Variants in CREB5 observed in about 807,000 individuals in gnomAD.
CREB5 encodes the protein cAMP responsive element binding protein 5.
Under a neutral mutation model 57.1 loss-of-function variants are expected in CREB5, and 19 were observed. That is an observed-to-expected ratio of 0.33 (90% CI 0.23 to 0.49). The LOEUF is 0.49. CREB5 is among the 20% of genes least tolerant of loss of function. CREB5 has a pLI of 0.99. For synonymous variants in CREB5, 238 were observed against 238.3 expected (o/e 1.00, Z 0.01); for missense variants, 579 against 671.6 (o/e 0.86, Z 1.52).
chr7:28,301,063 T>A (rs1785090683), intron 1 of CREB5, among the ~76,000 whole-genome samples: 1 of 152,238 alleles, frequency 6.6e-6, no homozygotes, highest in African/African-American at 2.4e-5. Flanking sequence ...GATCTACATT[T>A]TGATCTTTTT....
intron 5 of CREB5, among the ~76,000 whole-genome samples, chr7:28,620,186 C>A (rs1265105878): frequency 1.3e-5 from 2 of 152,174 alleles, no homozygotes; most frequent in Non-Finnish European, 2.9e-5. Flanking sequence ...TCTAGAAAAA[C>A]TCAGAACAAA....
At chr7:28,609,654 A>T (rs1192850343) in intron 5 of CREB5, among the ~76,000 whole-genome samples, 1 of 152,212 alleles carries the variant, frequency 6.6e-6, no homozygotes, top group African/African-American at 2.4e-5. Context: ...ATCTGACAGG[A>T]CCCAAGTCTA....
At chr7:28,439,309 C>T (rs1789089653) in intron 1 of CREB5, among the ~76,000 whole-genome samples, 1 of 152,260 alleles carries the variant, frequency 6.6e-6, no homozygotes, top group South Asian at 2.1e-4. Flanking sequence ...CTATCATCTG[C>T]ACCTGATTCC....
At chr7:28,744,808 T>C (rs1054700459) in intron 7 of CREB5, among the ~76,000 whole-genome samples, 2 of 152,228 alleles carry the variant, frequency 1.3e-5, no homozygotes, top group African/African-American at 4.8e-5. Flanking sequence ...ATTAAAATCT[T>C]AAACAAAATC....
At position 28,612,543 on chromosome 7, in the gene CREB5, G is replaced by GGTGTGTGTGT. The variant is rs59074697; in HGVS notation, c.464+42043_464+42052dup. ...TGTATTCCTGGCCATTTAGAGAAGGGGTGTGTGTGTGTGTGTGTGTGTGTG... is the reference window on the plus strand; with the variant it reads ...TGTATTCCTGGCCATTTAGAGAAGGGGTGTGTGTGTGTGTGTGTGTGTGTGTGTGTGTGTG... On this transcript the variant is annotated intron_variant, in intron 5 of 10. Transcript: ENST00000357727. 2.1e-3 allele frequency among the ~76,000 whole-genome samples: 295 copies of GGTGTGTGTGT among 137,372 alleles called. 4 individuals are homozygous for GGTGTGTGTGT. Among genetic ancestry groups the GGTGTGTGTGT allele is most frequent in the Middle Eastern group, 0.015 (4 of 262 alleles). The allele number at this position is 137,372 out of a possible 152,430, so 90.1% of individuals were successfully genotyped here.
At chr7:28,392,096 G>A (rs1030858618) in intron 1 of CREB5, among the ~76,000 whole-genome samples, 18 of 152,142 alleles carry the variant, frequency 1.2e-4, no homozygotes, top group Non-Finnish European at 1.9e-4. Context: ...CACAAAGAGG[G>A]GAACAACACA....
chr7:28,614,820 T>C (rs1025891203), intron 5 of CREB5, among the ~76,000 whole-genome samples: 9 of 152,102 alleles, frequency 5.9e-5, no homozygotes, highest in Admixed American at 3.3e-4. Context: ...TACAATCACG[T>C]TTCATCCATG....
chr7:28,545,885 T>G (rs1465660683), intron 4 of CREB5, among the ~76,000 whole-genome samples: 1 of 152,236 alleles, frequency 6.6e-6, no homozygotes, highest in Non-Finnish European at 1.5e-5. Flanking sequence ...GCAACATCAT[T>G]TTAAAGATTT....
chr7:28,740,959 CAA>C, intron 7 of CREB5, among the ~76,000 whole-genome samples: 1 of 150,566 alleles, frequency 6.6e-6, no homozygotes, highest in Admixed American at 6.6e-5. Context: ...TTCTCAGGAC[CAA>C]TAATACATTA....
chr7:28,413,165 G>T (rs1787875568), intron 1 of CREB5, among the ~76,000 whole-genome samples: 1 of 150,962 alleles, frequency 6.6e-6, no homozygotes, highest in Non-Finnish European at 1.5e-5. Flanking sequence ...ATGTTCAGAA[G>T]CATATGAACT....
At chr7:28,339,140 T>C (rs1405469554) in intron 1 of CREB5, among the ~76,000 whole-genome samples, 1 of 152,102 alleles carries the variant, frequency 6.6e-6, no homozygotes, top group Non-Finnish European at 1.5e-5. Flanking sequence ...TTAAGTTCAT[T>C]TGGTGAGGTC....
At chr7:28,436,624 G>A (rs915720898) in intron 1 of CREB5, among the ~76,000 whole-genome samples, 7 of 152,078 alleles carry the variant, frequency 4.6e-5, no homozygotes, top group African/African-American at 1.7e-4. Context: ...TTATTTACCT[G>A]TAATTAGATG....
At chr7:28,472,264 G>T (rs981381183) in intron 1 of CREB5, among the ~76,000 whole-genome samples, 1 of 151,934 alleles carries the variant, frequency 6.6e-6, no homozygotes, top group Non-Finnish European at 1.5e-5. Flanking sequence ...TAGGAGAAAA[G>T]TAGTTTTATT....
intron 1 of CREB5, among the ~76,000 whole-genome samples, chr7:28,401,762 A>G (rs1248426184): frequency 6.6e-6 from 1 of 152,216 alleles, no homozygotes; most frequent in East Asian, 1.9e-4. Flanking sequence ...TTATGGCTGC[A>G]TAGTATTCCA....
chr7:28,416,969 G>T (rs1435068384), intron 1 of CREB5, among the ~76,000 whole-genome samples: 1 of 152,138 alleles, frequency 6.6e-6, no homozygotes. Context: ...AAACAAAAGG[G>T]GGGAAGAAGA....
intron 1 of CREB5, among the ~76,000 whole-genome samples, chr7:28,423,013 A>G (rs1465874940): frequency 6.6e-6 from 1 of 152,148 alleles, no homozygotes; most frequent in Non-Finnish European, 1.5e-5. Flanking sequence ...CCCAGGGCTT[A>G]AGTGGTATGT....
chr7:28,358,679 A>G (rs753716134), intron 1 of CREB5, among the ~76,000 whole-genome samples: 5 of 151,988 alleles, frequency 3.3e-5, no homozygotes, highest in Non-Finnish European at 7.4e-5. Flanking sequence ...CTGATCTCTT[A>G]CTCCAAGCTG....
At chr7:28,442,419 C>A (rs540069733) in intron 1 of CREB5, among the ~76,000 whole-genome samples, 1 of 152,212 alleles carries the variant, frequency 6.6e-6, no homozygotes, top group South Asian at 2.1e-4. Context: ...GCAGGTGTCC[C>A]TTTGGTATAC....
intron 1 of CREB5, among the ~76,000 whole-genome samples, chr7:28,476,574 A>T (rs1394142264): frequency 6.6e-6 from 1 of 152,234 alleles, no homozygotes; most frequent in East Asian, 1.9e-4. Flanking sequence ...AAGATCCCAC[A>T]GCTAATGAGC....
Sources: allele counts gnomAD v4.1 joint callset (sites outside exome capture counted in the v4.1 genomes callset), GRCh38; gene constraint gnomAD v4.1.1; transcripts MANE v1.5; gene names NCBI Gene and HGNC (gene_info 2026-07-23, HGNC 2026-07-21).